The following NETO2 variants were observed in gnomAD, a reference collection of about 807,000 sequenced individuals.
NETO2 encodes the protein neuropilin and tolloid like 2.
A neutral mutation model predicts 62.5 loss-of-function variants in NETO2; 28 were observed. The observed-to-expected ratio is 0.45, with a 90% CI of 0.33 to 0.61. The LOEUF is 0.61. Ranked by LOEUF, NETO2 falls within the 20% of genes least tolerant of loss-of-function variation. The pLI, the probability that NETO2 is intolerant of heterozygous loss-of-function variation, is 0.02. For missense variants in NETO2, 548 were observed against 643.2 expected (o/e 0.85, Z 1.60); for synonymous variants, 214 against 219.1 (o/e 0.98, Z 0.21).
chr16:47,089,403 A>G (rs1376054494), intron 7 of NETO2, among the ~76,000 whole-genome samples: 2 of 152,206 alleles, frequency 1.3e-5, no homozygotes, highest in Non-Finnish European at 2.9e-5. Flanking sequence ...TTCCTCTTTT[A>G]AAATGAAGGG....
intron 7 of NETO2, among the ~76,000 whole-genome samples, chr16:47,099,838 T>C (rs1963505061): frequency 6.6e-6 from 1 of 152,140 alleles, no homozygotes; most frequent in African/African-American, 2.4e-5. Flanking sequence ...CAAAGAGACT[T>C]AAGACTCCCA....
In NETO2 at chr16:47,078,151, T is replaced by C. The variant is rs912276740; in HGVS notation, c.*5070A>G. The stretch of plus-strand genomic sequence containing the variant: ...AAACATAAAATGGTTCTAAGTGTAA[T>C]AAAATAAAGTTGCCCTTATCATAAC... On this transcript the variant is annotated 3_prime_UTR_variant, in exon 9 of 9. Coordinates refer to ENST00000562435, the MANE Select transcript of NETO2 (RefSeq NM_018092.5). 3.9e-5 allele frequency: 6 copies of C among 152,332 alleles called. No individual in the cohort carries two copies. The highest frequency in any genetic ancestry group is 3.4e-3 in the Middle Eastern group (1 of 294). 9.4% of individuals were successfully genotyped at this position (152,332 alleles called of 1,614,324 possible).
chr16:47,085,009 C>T (rs530896316), intron 8 of NETO2, among the ~76,000 whole-genome samples: 13 of 152,248 alleles, frequency 8.5e-5, no homozygotes, highest in Admixed American at 3.9e-4. Context: ...CGAAACCAGT[C>T]CTTGGTACCA....
chr16:47,090,599 CA>C (rs1257072580), intron 7 of NETO2, among the ~76,000 whole-genome samples: 1 of 152,128 alleles, frequency 6.6e-6, no homozygotes, highest in Non-Finnish European at 1.5e-5. Context: ...GTGTCCCCCC[CA>C]ATTTCAATGA....
intron 6 of NETO2, among the ~76,000 whole-genome samples, chr16:47,121,011 C>T (rs533795226): frequency 3.2e-4 from 49 of 152,310 alleles, no homozygotes; most frequent in Non-Finnish European, 5.7e-4. Context: ...GACTTACACA[C>T]TACAGAGTAT....
At chr16:47,126,091 G>C (rs1388865986) in intron 4 of NETO2, among the ~76,000 whole-genome samples, 1 of 151,954 alleles carries the variant, frequency 6.6e-6, no homozygotes, top group African/African-American at 2.4e-5. Context: ...TTGTGCTTTT[G>C]CGTCTGGCTT....
chr16:47,104,723 A>G (rs1474786533), intron 7 of NETO2, among the ~76,000 whole-genome samples: 2 of 152,078 alleles, frequency 1.3e-5, no homozygotes, highest in Non-Finnish European at 2.9e-5. Context: ...ATCTTCACAT[A>G]ATTTCTTTTT....
intron 7 of NETO2, among the ~76,000 whole-genome samples, chr16:47,100,897 G>A (rs558358581): frequency 2.0e-5 from 3 of 152,242 alleles, no homozygotes; most frequent in East Asian, 3.9e-4. Flanking sequence ...GGTACCATTC[G>A]TTCTGAAAGT....
chr16:47,109,764 TTTTCTA>T (rs1159434107), intron 6 of NETO2, 53 bp from the exon 7 acceptor site: 49 of 1,326,978 alleles, frequency 3.7e-5, no homozygotes, highest in East Asian at 2.4e-5. Flanking sequence ...TAATTTGAAT[TTTTCTA>T]TTTCTATTTT....
At chr16:47,111,800 A>T (rs909219565) in intron 6 of NETO2, among the ~76,000 whole-genome samples, 8 of 152,344 alleles carry the variant, frequency 5.3e-5, no homozygotes, top group South Asian at 2.1e-4. Context: ...AGTTGCCAAC[A>T]CTAATTAGAT....
chr16:47,134,584 C>T (rs1964331903), intron 1 of NETO2, among the ~76,000 whole-genome samples: 1 of 152,126 alleles, frequency 6.6e-6, no homozygotes, highest in East Asian at 1.9e-4. Flanking sequence ...GATCATATGC[C>T]ACTGGTCAAT....
chr16:47,132,050 G>C lies in NETO2; in HGVS notation c.35-25C>G, dbSNP rs1337947591. On this transcript the variant is annotated intron_variant, in intron 1 of 8. Transcript: ENST00000562435. ...ACTAGAGAAATAACAGAGAAGAAAAGTTATGAAATTGAATCTATACTACAT... is the reference window on the plus strand; with the variant it reads ...ACTAGAGAAATAACAGAGAAGAAAACTTATGAAATTGAATCTATACTACAT... 9 of 1,567,990 alleles carry C rather than the reference G, an allele frequency of 5.7e-6. No homozygotes were observed. The East Asian group carries it at 2.0e-4, about 35-fold the overall frequency.
At position 47,080,955 on chromosome 16, in the gene NETO2, T is replaced by C. The variant is rs1363712727; in HGVS notation, c.*2266A>G. 1 of 152,170 alleles carries C rather than the reference T, an allele frequency of 6.6e-6. No homozygotes were observed. The highest frequency in any genetic ancestry group is 1.5e-5 in the Non-Finnish European group (1 of 68,008). The allele number at this position is 152,170 out of a possible 1,614,324, so 9.4% of individuals were successfully genotyped here. ...CCAGAAAATTCAGAACCAAACTTAC[T>C]GTCTAAATGTTACTTGCTACATTGA... On this transcript the variant is annotated 3_prime_UTR_variant, in exon 9 of 9. Transcript: ENST00000562435.
At chr16:47,090,221 T>C (rs964960960) in intron 7 of NETO2, among the ~76,000 whole-genome samples, 1 of 152,196 alleles carries the variant, frequency 6.6e-6, no homozygotes, top group African/African-American at 2.4e-5. Context: ...TCAGTTTTTA[T>C]TATAAATTCT....
intron 7 of NETO2, among the ~76,000 whole-genome samples, chr16:47,095,876 C>T (rs2143837823): frequency 6.6e-6 from 1 of 152,288 alleles, no homozygotes. Context: ...AATTACACAT[C>T]AGACAGTCTC....
chr16:47,111,451 T>C (rs1963799775), intron 6 of NETO2, among the ~76,000 whole-genome samples: 1 of 152,360 alleles, frequency 6.6e-6, no homozygotes, highest in Non-Finnish European at 1.5e-5. Context: ...AAATATTGAA[T>C]TGTTTAGTTC....
chr16:47,138,046 T>C (rs1408799237), intron 1 of NETO2, among the ~76,000 whole-genome samples: 1 of 152,182 alleles, frequency 6.6e-6, no homozygotes, highest in African/African-American at 2.4e-5. Flanking sequence ...ATAGCTCCCA[T>C]GTCTGCATTC....
At position 47,114,434 on chromosome 16, in the gene NETO2, A is replaced by G. The variant is rs1319605411; in HGVS notation, c.655-4723T>C. ...AGCTTTTTCATTAGTCCAATTTATA[A>G]ATTTCTTTTTTTTTTTTTTTTTTTT... On this transcript the variant is annotated intron_variant, in intron 6 of 8. Coordinates refer to ENST00000562435, the MANE Select transcript of NETO2 (RefSeq NM_018092.5). Among the ~76,000 whole-genome samples the G allele has an allele frequency of 1.6e-3, 209 of 130,982 alleles. 1 individual carries two copies. Among genetic ancestry groups the G allele is most frequent in the African/African-American group, 5.9e-3 (205 of 34,508 alleles). The allele number at this position is 130,982 out of a possible 152,430, so 85.9% of individuals were successfully genotyped here. A position where few individuals can be genotyped will look rare whatever the true frequency, so the allele number is the denominator to read the frequency against.
At chr16:47,138,066 A>T (rs1964394207) in intron 1 of NETO2, among the ~76,000 whole-genome samples, 2 of 152,324 alleles carry the variant, frequency 1.3e-5, no homozygotes, top group South Asian at 4.1e-4. Flanking sequence ...CTAGTTATCA[A>T]GAATGATGAC....
Sources: allele counts gnomAD v4.1 joint callset (sites outside exome capture counted in the v4.1 genomes callset), GRCh38; gene constraint gnomAD v4.1.1; transcripts MANE v1.5; gene names NCBI Gene and HGNC (gene_info 2026-07-23, HGNC 2026-07-21).